SHROOM3: variants seen among roughly 807,000 people sequenced by gnomAD.
SHROOM3 encodes the protein shroom family member 3.
A neutral mutation model predicts 138.6 loss-of-function variants in SHROOM3; 47 were observed. The ratio of observed to expected loss-of-function variants is 0.34; its 90% CI spans 0.27 to 0.43. The LOEUF is 0.43. Ranked by LOEUF, SHROOM3 falls within the 20% of genes least tolerant of loss-of-function variation. The probability of loss-of-function intolerance (pLI) is 1.00; values close to 1 mark genes in which losing one functional copy is unlikely to be tolerated. For missense variants in SHROOM3, 2,491 were observed against 2,596.5 expected (o/e 0.96, Z 0.88); for synonymous variants, 1,062 against 1,063.3 (o/e 1.00, Z 0.02).
chr4:76,486,945 T>C (rs1219546368), intron 1 of SHROOM3, among the ~76,000 whole-genome samples: 1 of 152,074 alleles, frequency 6.6e-6, no homozygotes, highest in Admixed American at 6.5e-5. Context: ...ATAATTCACA[T>C]ATTATAAAGT....
chr4:76,534,140 G>A (rs1408641189), intron 1 of SHROOM3, among the ~76,000 whole-genome samples: 2 of 152,198 alleles, frequency 1.3e-5, no homozygotes, highest in Admixed American at 6.5e-5. Context: ...GTAGCCTTCT[G>A]GTGTGTGTGT....
intron 2 of SHROOM3, among the ~76,000 whole-genome samples, chr4:76,558,409 A>T (rs114299516): frequency 6.9e-4 from 105 of 152,326 alleles, no homozygotes; most frequent in African/African-American, 2.5e-3. Context: ...ATATTTGATT[A>T]TTATTATTCT....
chr4:76,467,412 C>T (rs930614511), intron 1 of SHROOM3, among the ~76,000 whole-genome samples: 3 of 152,056 alleles, frequency 2.0e-5, no homozygotes, highest in Admixed American at 6.6e-5. Context: ...TGCCTGAAAT[C>T]GCATGCGTTT....
At chr4:76,778,645 A>G (rs1272579017) in intron 10 of SHROOM3, among the ~76,000 whole-genome samples, 164 bp from the exon 11 acceptor site, 5 of 152,230 alleles carry the variant, frequency 3.3e-5, no homozygotes, top group African/African-American at 4.8e-5. Context: ...AATATGTAAT[A>G]TAAGGATAAT....
chr4:76,499,399 G>C (rs1732042206), intron 1 of SHROOM3, among the ~76,000 whole-genome samples: 1 of 152,024 alleles, frequency 6.6e-6, no homozygotes, highest in African/African-American at 2.4e-5. Context: ...GCTCGCTTTT[G>C]TTGCTAGTGA....
chr4:76,666,909 C>T (rs1200695834), intron 2 of SHROOM3, among the ~76,000 whole-genome samples: 1 of 152,054 alleles, frequency 6.6e-6, no homozygotes, highest in African/African-American at 2.4e-5. Flanking sequence ...GGAATGAAAT[C>T]CTGTTACAGA....
intron 5 of SHROOM3, among the ~76,000 whole-genome samples, chr4:76,745,368 G>T (rs925694046): frequency 6.6e-6 from 1 of 152,206 alleles, no homozygotes; most frequent in African/African-American, 2.4e-5. Context: ...TCCCCCGGAT[G>T]CTGAGTTAGA....
At chr4:76,465,232 C>A (rs10002333) in intron 1 of SHROOM3, among the ~76,000 whole-genome samples, 1 of 152,158 alleles carries the variant, frequency 6.6e-6, no homozygotes, top group African/African-American at 2.4e-5. Flanking sequence ...TTAAAGTGTG[C>A]ACTTATCTAA....
At chr4:76,575,355 G>C (rs1733917155) in intron 2 of SHROOM3, among the ~76,000 whole-genome samples, 1 of 152,134 alleles carries the variant, frequency 6.6e-6, no homozygotes, top group African/African-American at 2.4e-5. Flanking sequence ...GTCCTAGCTA[G>C]AGCAATTAGA....
intron 1 of SHROOM3, among the ~76,000 whole-genome samples, chr4:76,447,537 T>C (rs1730839355): frequency 1.3e-5 from 2 of 152,134 alleles, no homozygotes; most frequent in African/African-American, 4.8e-5. Flanking sequence ...ATGTTGGGCG[T>C]TGAGATAGAC....
chr4:76,503,105 T>C (rs6532433), intron 1 of SHROOM3, among the ~76,000 whole-genome samples: 26,765 of 151,926 alleles, frequency 0.18, 2,748 homozygotes, highest in African/African-American at 0.27. Flanking sequence ...TCTTGAAGAT[T>C]GCCTCAGCTA....
intron 1 of SHROOM3, among the ~76,000 whole-genome samples, chr4:76,545,687 T>C (rs1247619582): frequency 6.6e-6 from 1 of 152,236 alleles, no homozygotes; most frequent in Non-Finnish European, 1.5e-5. Flanking sequence ...CTGCAATTCA[T>C]GAAACAAACC....
chr4:76,548,129 A>G (rs1189937353), intron 1 of SHROOM3, among the ~76,000 whole-genome samples: 2 of 151,720 alleles, frequency 1.3e-5, no homozygotes, highest in Non-Finnish European at 2.9e-5. Context: ...CTGGGGGAAA[A>G]GCATTCCAGG....
chr4:76,666,383 C>T (rs1203352747), intron 2 of SHROOM3, among the ~76,000 whole-genome samples: 1 of 152,198 alleles, frequency 6.6e-6, no homozygotes, highest in Non-Finnish European at 1.5e-5. Context: ...ATCCTCCCAC[C>T]TCAGTCCCCT....
chr4:76,684,161 G>A (rs1466255730), intron 2 of SHROOM3, among the ~76,000 whole-genome samples: 1 of 152,120 alleles, frequency 6.6e-6, no homozygotes, highest in South Asian at 2.1e-4. Flanking sequence ...TGAACATTTA[G>A]GTTGCTTCCA....
At chr4:76,624,243 T>C (rs945658867) in intron 2 of SHROOM3, among the ~76,000 whole-genome samples, 1 of 152,148 alleles carries the variant, frequency 6.6e-6, no homozygotes, top group African/African-American at 2.4e-5. Flanking sequence ...GCTGCACTCC[T>C]GTCCTTCCGT....
intron 8 of SHROOM3, among the ~76,000 whole-genome samples, chr4:76,758,850 G>A (rs1721902489): frequency 6.6e-6 from 1 of 152,150 alleles, no homozygotes; most frequent in South Asian, 2.1e-4. Context: ...GGTAGGATAT[G>A]AATTATAGGC....
chr4:76,761,173 T>C (rs1721977539), intron 9 of SHROOM3, among the ~76,000 whole-genome samples: 1 of 151,690 alleles, frequency 6.6e-6, no homozygotes, highest in Admixed American at 6.6e-5. Flanking sequence ...TTTTTAACCT[T>C]TGTCCCCTTT....
rs770247340 is a variant in SHROOM3, at chr4:76,756,922, G to C, written c.5183G>C (p.Gly1728Ala). 3.7e-6 allele frequency: 6 copies of C among 1,613,882 alleles called. No individual in the cohort carries two copies. The East Asian group carries it at 1.3e-4, about 36-fold the overall frequency. ...ATACAGAGAACTGTCAGCTCTTCAG[G>C]ATGTGAAGGCAAGAGGTAAGTCCCT... ...KAIQRTVSSS[G>A]CEGKRNEDKE... Residue 1728 changes from glycine (G) to alanine (A), a missense_variant, in exon 8 of 11, where the codon GGA becomes GCA. By Grantham distance (60) the Gly-to-Ala change is moderately conservative. Transcript: ENST00000296043.
Sources: allele counts gnomAD v4.1 joint callset (sites outside exome capture counted in the v4.1 genomes callset), GRCh38; gene constraint gnomAD v4.1.1; transcripts MANE v1.5; gene names NCBI Gene and HGNC (gene_info 2026-07-23, HGNC 2026-07-21).